Variants in TMPRSS11E observed in about 807,000 individuals in gnomAD.
TMPRSS11E encodes transmembrane protease serine 11E.
A neutral mutation model predicts 48.1 loss-of-function variants in TMPRSS11E; 38 were observed. The ratio of observed to expected loss-of-function variants is 0.79; its 90% confidence interval spans 0.61 to 1.04. TMPRSS11E has a LOEUF of 1.04. Ranked by LOEUF, TMPRSS11E falls within the 50% of genes least tolerant of loss-of-function variation. The pLI is 0.00. For missense variants in TMPRSS11E, 530 were observed against 510.8 expected (o/e 1.04, Z -0.36); for synonymous variants, 158 against 171.9 (o/e 0.92, Z 0.63).
chr4:68,449,731 AAAAAG>A (rs1202236512), intron 1 of TMPRSS11E, among the ~76,000 whole-genome samples: 1 of 151,846 alleles, frequency 6.6e-6, no homozygotes, highest in Non-Finnish European at 1.5e-5. Context: ...ATAGAAAAAG[AAAAAG>A]AAATGTGTAA....
chr4:68,462,806 A>G (rs1242918181), intron 2 of TMPRSS11E, among the ~76,000 whole-genome samples: 1 of 152,180 alleles, frequency 6.6e-6, no homozygotes, highest in Non-Finnish European at 1.5e-5. Context: ...AAAGCTAATT[A>G]TAAAGATGTT....
At chr4:68,496,564 C>A in intron 9 of TMPRSS11E, 79 bp from the exon 10 acceptor site, 1 of 1,396,836 alleles carries the variant, frequency 7.2e-7, no homozygotes, top group Non-Finnish European at 9.7e-7. Context: ...CCTTTCATTA[C>A]ATTCTTAAGT....
chr4:68,465,759 T>C (rs532970051), intron 2 of TMPRSS11E, among the ~76,000 whole-genome samples: 2 of 152,314 alleles, frequency 1.3e-5, no homozygotes, highest in East Asian at 3.9e-4. Context: ...AGTAACTATA[T>C]ACAACTGTCT....
rs377191848 is a variant in TMPRSS11E at position 68,471,894 on chromosome 4, G to A, written c.490+271G>A. 9.7e-4 allele frequency among the ~76,000 whole-genome samples: 147 copies of A among 151,920 alleles called. 3 individuals carry two copies. In the South Asian group the frequency reaches 0.03, roughly 31 times the overall value. Reference sequence around the variant, plus strand: ...TTGGCTATAGAATCCAATTATAAGTGAAGAAAATGGCTTTGTATTTTCTTC... The same window carrying A: ...TTGGCTATAGAATCCAATTATAAGTAAAGAAAATGGCTTTGTATTTTCTTC... On this transcript the variant is annotated intron_variant, in intron 5 of 9. Coordinates refer to ENST00000305363, the MANE Select transcript of TMPRSS11E (RefSeq NM_014058.4).
At chr4:68,488,145 G>A (rs10020631) in intron 9 of TMPRSS11E, among the ~76,000 whole-genome samples, 28,560 of 151,774 alleles carry the variant, frequency 0.19, 3,068 homozygotes, top group Admixed American at 0.26. Flanking sequence ...TCTGGAGGAT[G>A]GGTGTCTTGT....
chr4:68,489,068 G>C (rs1052959527), intron 9 of TMPRSS11E, among the ~76,000 whole-genome samples: 1 of 152,196 alleles, frequency 6.6e-6, no homozygotes, highest in Non-Finnish European at 1.5e-5. Flanking sequence ...AGAGTTACCA[G>C]AGTTCTTGCA....
chr4:68,489,654 C>G (rs1411528952), intron 9 of TMPRSS11E, among the ~76,000 whole-genome samples: 1 of 152,222 alleles, frequency 6.6e-6, no homozygotes, highest in Non-Finnish European at 1.5e-5. Flanking sequence ...AGCTCTCCAG[C>G]TGTTAGGCAG....
chr4:68,470,137 CT>C (rs1729024032), intron 4 of TMPRSS11E, among the ~76,000 whole-genome samples: 1 of 151,742 alleles, frequency 6.6e-6, no homozygotes, highest in Non-Finnish European at 1.5e-5. Context: ...GGAAATGGAA[CT>C]GAGCAGAAGA....
At chr4:68,460,414 T>C (rs1187355491) in intron 1 of TMPRSS11E, among the ~76,000 whole-genome samples, 1 of 152,212 alleles carries the variant, frequency 6.6e-6, no homozygotes, top group East Asian at 1.9e-4. Context: ...CCCAAAGTGC[T>C]TTAGACGGAA....
At chr4:68,454,917 G>T (rs1728588481) in intron 1 of TMPRSS11E, among the ~76,000 whole-genome samples, 1 of 151,910 alleles carries the variant, frequency 6.6e-6, no homozygotes, top group African/African-American at 2.4e-5. Context: ...AGGTAACTGG[G>T]ATGTCTATGA....
At chr4:68,488,360 T>C (rs1729620598) in intron 9 of TMPRSS11E, among the ~76,000 whole-genome samples, 1 of 152,176 alleles carries the variant, frequency 6.6e-6, no homozygotes, top group South Asian at 2.1e-4. Flanking sequence ...CATTAAAGAA[T>C]ATCTTTTTCT....
At chr4:68,489,816 A>T (rs1729665864) in intron 9 of TMPRSS11E, among the ~76,000 whole-genome samples, 1 of 152,240 alleles carries the variant, frequency 6.6e-6, no homozygotes, top group Non-Finnish European at 1.5e-5. Context: ...CCCATCCCAC[A>T]AGCAAGAGAG....
At chr4:68,492,099 AC>A (rs904363163) in intron 9 of TMPRSS11E, among the ~76,000 whole-genome samples, 6 of 152,250 alleles carry the variant, frequency 3.9e-5, no homozygotes, top group African/African-American at 1.4e-4. Flanking sequence ...GGAGGAACAC[AC>A]GGAACAAAGT....
At chr4:68,493,746 C>T (rs975407444) in intron 9 of TMPRSS11E, among the ~76,000 whole-genome samples, 18 of 152,110 alleles carry the variant, frequency 1.2e-4, no homozygotes, top group African/African-American at 3.9e-4. Flanking sequence ...CCTCAGCTTC[C>T]CAAGGTGCTG....
intron 2 of TMPRSS11E, among the ~76,000 whole-genome samples, chr4:68,464,985 G>T (rs1236919854): frequency 6.6e-6 from 1 of 152,204 alleles, no homozygotes; most frequent in South Asian, 2.1e-4. Flanking sequence ...CAACTCCACA[G>T]AGAGTTATAG....
At chr4:68,473,123 C>A (rs1050591560) in intron 5 of TMPRSS11E, among the ~76,000 whole-genome samples, 2 of 152,090 alleles carry the variant, frequency 1.3e-5, no homozygotes, top group Non-Finnish European at 2.9e-5. Flanking sequence ...TACCAACACT[C>A]TCTACCTTCA....
intron 1 of TMPRSS11E, among the ~76,000 whole-genome samples, chr4:68,455,278 C>A (rs959950527): frequency 6.6e-6 from 1 of 151,802 alleles, no homozygotes; most frequent in African/African-American, 2.4e-5. Context: ...GGATATGTAA[C>A]TTTTTGTGTT....
chr4:68,463,060 G>T (rs1421362324), intron 2 of TMPRSS11E, among the ~76,000 whole-genome samples: 2 of 152,120 alleles, frequency 1.3e-5, no homozygotes, highest in African/African-American at 4.8e-5. Context: ...CTAATAACTT[G>T]ATTCTAATTT....
At chr4:68,451,241 C>T (rs554421326) in intron 1 of TMPRSS11E, among the ~76,000 whole-genome samples, 5 of 151,808 alleles carry the variant, frequency 3.3e-5, no homozygotes, top group African/African-American at 4.8e-5. Context: ...TCTTCAAGTG[C>T]GCTCCTTTGG....
Sources: allele counts gnomAD v4.1 joint callset (sites outside exome capture counted in the v4.1 genomes callset), GRCh38; gene constraint gnomAD v4.1.1; transcripts MANE v1.5; gene names NCBI Gene and HGNC (gene_info 2026-07-23, HGNC 2026-07-21).